Variants in USH2A observed in about 807,000 individuals in gnomAD.
The protein encoded by USH2A is usherin.
USH2A carries 443 observed loss-of-function variants against 538.9 expected under a neutral mutation model. The observed-to-expected ratio is 0.82, with a 90% confidence interval of 0.76 to 0.89. The LOEUF is 0.89. USH2A is among the 40% of genes least tolerant of loss of function. The probability of loss-of-function intolerance (pLI) is 0.00; values close to 1 mark genes in which losing one functional copy is unlikely to be tolerated. For missense variants in USH2A, 6,633 were observed against 6,324.8 expected (o/e 1.05, Z -1.65); for synonymous variants, 2,413 against 2,273.5 (o/e 1.06, Z -1.75).
rs577893927 is a variant in USH2A, at chr1:215,728,810, T to G, written c.11712-426A>C. On this transcript the variant is annotated intron_variant, in intron 60 of 71. Coordinates refer to ENST00000307340, the MANE Select transcript of USH2A (RefSeq NM_206933.4). ...CTTTTAAAAATACAGAAGCATATATTAAACATTATTAATGCATTTTTATAT... is the reference window on the plus strand; with the variant it reads ...CTTTTAAAAATACAGAAGCATATATGAAACATTATTAATGCATTTTTATAT... Among the ~76,000 whole-genome samples the G allele has an allele frequency of 9.2e-5, 14 of 152,308 alleles. No homozygotes were observed. In the South Asian group the frequency reaches 2.3e-3, roughly 25 times the overall value.
intron 47 of USH2A, among the ~76,000 whole-genome samples, chr1:215,825,584 C>A (rs1254359441): frequency 1.3e-5 from 2 of 152,134 alleles, no homozygotes; most frequent in Non-Finnish European, 2.9e-5. Flanking sequence ...AATCTTCATA[C>A]ACTCTAAGAT....
At chr1:216,346,981 A>C (rs935517785) in intron 4 of USH2A, among the ~76,000 whole-genome samples, 72 of 152,258 alleles carry the variant, frequency 4.7e-4, no homozygotes, top group Non-Finnish European at 5.6e-4. Context: ...CTTTTAGTTC[A>C]TGTGACTTTA....
At chr1:216,411,569 T>C (rs2039490878) in intron 3 of USH2A, among the ~76,000 whole-genome samples, 1 of 152,134 alleles carries the variant, frequency 6.6e-6, no homozygotes, top group Non-Finnish European at 1.5e-5. Context: ...AGCTACAAGC[T>C]AAGGAGCATC....
At chr1:215,844,626 T>C in intron 45 of USH2A, 130 bp from the exon 46 acceptor site, 2 of 936,748 alleles carry the variant, frequency 2.1e-6, no homozygotes, top group Non-Finnish European at 3.3e-6. Context: ...GATGAAGTTA[T>C]CACAGTCTGT....
intron 11 of USH2A, among the ~76,000 whole-genome samples, chr1:216,254,386 T>C (rs1024822624): frequency 6.6e-6 from 1 of 151,786 alleles, no homozygotes; most frequent in East Asian, 1.9e-4. Flanking sequence ...CACCAAGAAG[T>C]AGAAAGAGAG....
chr1:215,648,834 A>G (rs372329111), intron 65 of USH2A, 68 bp from the exon 66 acceptor site: 57 of 1,446,654 alleles, frequency 3.9e-5, no homozygotes, highest in East Asian at 3.2e-4. Context: ...AATGTTATCC[A>G]AGATCCCACC....
At chr1:215,795,045 CTATTG>C (rs1331438015) in intron 50 of USH2A, among the ~76,000 whole-genome samples, 1 of 152,188 alleles carries the variant, frequency 6.6e-6, no homozygotes, top group African/African-American at 2.4e-5. Context: ...CTTTCCTTCT[CTATTG>C]TATTTGTTCT....
intron 35 of USH2A, among the ~76,000 whole-genome samples, chr1:215,990,622 G>A (rs1182208520): frequency 6.6e-6 from 1 of 152,096 alleles, no homozygotes; most frequent in African/African-American, 2.4e-5. Context: ...GTCAAGAGAA[G>A]AGGGAAAGTT....
chr1:216,177,496 A>G (rs2034412358), intron 20 of USH2A, among the ~76,000 whole-genome samples: 1 of 152,182 alleles, frequency 6.6e-6, no homozygotes, highest in African/African-American at 2.4e-5. Context: ...TGAGTTCAGC[A>G]GTTTACACAC....
intron 40 of USH2A, among the ~76,000 whole-genome samples, chr1:215,891,352 T>C (rs1411540925): frequency 6.6e-6 from 1 of 152,200 alleles, no homozygotes; most frequent in East Asian, 1.9e-4. Flanking sequence ...GAGAGGAAGC[T>C]GAAAGCAGCT....
chr1:216,386,686 T>G (rs552566633), intron 3 of USH2A, among the ~76,000 whole-genome samples: 3 of 150,758 alleles, frequency 2.0e-5, no homozygotes, highest in East Asian at 3.9e-4. Flanking sequence ...AAACCCCGTC[T>G]CTACTAAAAA....
At chr1:216,286,489 G>A (rs2036887655) in intron 11 of USH2A, among the ~76,000 whole-genome samples, 1 of 152,098 alleles carries the variant, frequency 6.6e-6, no homozygotes, top group Non-Finnish European at 1.5e-5. Context: ...AGCACTTTGG[G>A]AGGCTGAGGT....
intron 46 of USH2A, among the ~76,000 whole-genome samples, chr1:215,843,118 T>C (rs1378159505): frequency 1.3e-5 from 2 of 152,168 alleles, no homozygotes; most frequent in East Asian, 1.9e-4. Flanking sequence ...CAGATGATTA[T>C]ATGTCTTAAC....
intron 55 of USH2A, among the ~76,000 whole-genome samples, chr1:215,770,622 A>G (rs1371187094): frequency 2.0e-5 from 3 of 152,120 alleles, no homozygotes; most frequent in African/African-American, 7.2e-5. Context: ...GATTATGTAA[A>G]TGACATACTA....
intron 22 of USH2A, among the ~76,000 whole-genome samples, chr1:216,094,046 T>A (rs1022452180): frequency 6.6e-6 from 1 of 152,142 alleles, no homozygotes; most frequent in African/African-American, 2.4e-5. Flanking sequence ...TATAAACAAG[T>A]GGTCCTGTGA....
intron 21 of USH2A, among the ~76,000 whole-genome samples, chr1:216,171,982 G>T (rs1191164039): frequency 6.6e-6 from 1 of 151,952 alleles, no homozygotes; most frequent in Non-Finnish European, 1.5e-5. Context: ...AGAAAAGGAA[G>T]CAAAAATAGG....
At chr1:216,324,385 G>A (rs376184170) in intron 6 of USH2A, 33 bp from the exon 7 acceptor site, 1 of 1,552,052 alleles carries the variant, frequency 6.4e-7, no homozygotes, top group South Asian at 1.1e-5. Context: ...TGTAATTAAA[G>A]TTTTAAGTTT....
At chr1:216,147,041 T>C (rs1354139670) in intron 21 of USH2A, among the ~76,000 whole-genome samples, 1 of 152,166 alleles carries the variant, frequency 6.6e-6, no homozygotes, top group Non-Finnish European at 1.5e-5. Flanking sequence ...TGGCCTGAGG[T>C]GCCTGACATC....
chr1:216,387,463 G>T (rs1040369341), intron 3 of USH2A, among the ~76,000 whole-genome samples: 1 of 152,092 alleles, frequency 6.6e-6, no homozygotes, highest in African/African-American at 2.4e-5. Context: ...AATATTTCAC[G>T]CAAGTTAAAC....
Sources: gnomAD v4.1 joint callset for allele counts (sites outside exome capture counted in the v4.1 genomes callset) on GRCh38, gnomAD v4.1.1 for gene constraint, MANE v1.5 for transcripts, NCBI Gene and HGNC (gene_info 2026-07-23, HGNC 2026-07-21) for gene names.